The following KCNIP4 variants were observed in gnomAD, a reference collection of about 807,000 sequenced individuals.
KCNIP4 encodes potassium voltage-gated channel interacting protein 4.
KCNIP4 carries 12 observed loss-of-function variants against 34.0 expected under a neutral mutation model. The observed-to-expected ratio is 0.35, with a 90% confidence interval of 0.23 to 0.57. The LOEUF (loss-of-function observed/expected upper bound fraction) is 0.57. KCNIP4 is among the 20% of genes least tolerant of loss of function. The probability of loss-of-function intolerance (pLI) is 0.83; values close to 1 mark genes in which losing one functional copy is unlikely to be tolerated. For synonymous variants in KCNIP4, 124 were observed against 102.2 expected (o/e 1.21, Z -1.29); for missense variants, 238 against 311.7 (o/e 0.76, Z 1.78).
At chr4:20,949,222 T>C (rs894339422) in intron 1 of KCNIP4, among the ~76,000 whole-genome samples, 3 of 152,240 alleles carry the variant, frequency 2.0e-5, no homozygotes, top group Non-Finnish European at 4.4e-5. Flanking sequence ...TACTGACGCA[T>C]AGTCACAATG....
At chr4:21,375,571 CTTTT>C (rs60626237) in intron 1 of KCNIP4, among the ~76,000 whole-genome samples, 1 of 130,082 alleles carries the variant, frequency 7.7e-6, no homozygotes, top group Non-Finnish European at 1.7e-5. Context: ...GAATTTTTTT[CTTTT>C]TTTTTTTTTG....
intron 1 of KCNIP4, among the ~76,000 whole-genome samples, chr4:21,068,437 A>G (rs1744606189): frequency 6.6e-6 from 1 of 152,124 alleles, no homozygotes; most frequent in South Asian, 2.1e-4. Context: ...TATGTGGTCT[A>G]TATAATCTCC....
At chr4:21,293,470 A>G (rs1401077629) in intron 1 of KCNIP4, among the ~76,000 whole-genome samples, 1 of 152,232 alleles carries the variant, frequency 6.6e-6, no homozygotes, top group African/African-American at 2.4e-5. Context: ...ATAGGACTAC[A>G]TTCTACTGCA....
intron 1 of KCNIP4, among the ~76,000 whole-genome samples, chr4:21,400,954 A>G (rs1352280862): frequency 6.6e-6 from 1 of 152,058 alleles, no homozygotes. Flanking sequence ...TGAGGTCAGG[A>G]GTTTGTGACC....
intron 3 of KCNIP4, among the ~76,000 whole-genome samples, chr4:20,788,051 A>G (rs1252085197): frequency 6.6e-6 from 1 of 151,964 alleles, no homozygotes; most frequent in Non-Finnish European, 1.5e-5. Context: ...TTCACCTGGT[A>G]TTGTGATAGT....
intron 1 of KCNIP4, among the ~76,000 whole-genome samples, chr4:21,127,385 AAC>A (rs1750713168): frequency 6.6e-6 from 1 of 152,218 alleles, no homozygotes; most frequent in African/African-American, 2.4e-5. Context: ...TGACAACCCA[AAC>A]ACAGAAACGA....
chr4:20,879,489 A>G (rs1724443351), intron 2 of KCNIP4, among the ~76,000 whole-genome samples: 2 of 152,300 alleles, frequency 1.3e-5, no homozygotes, highest in South Asian at 2.1e-4. Context: ...TGGTTTATTT[A>G]ACACAGTAGT....
intron 1 of KCNIP4, among the ~76,000 whole-genome samples, chr4:21,103,509 A>G (rs1000508938): frequency 6.6e-6 from 1 of 150,980 alleles, no homozygotes; most frequent in African/African-American, 2.4e-5. Flanking sequence ...AACTTAAATC[A>G]GTGGAGACTT....
chr4:21,124,043 C>T (rs80041903), intron 1 of KCNIP4, among the ~76,000 whole-genome samples: 1 of 145,892 alleles, frequency 6.9e-6, no homozygotes. Context: ...AAAAAAACAA[C>T]AAAAAAAAAA....
chr4:20,922,881 T>G (rs1476204492), intron 1 of KCNIP4, among the ~76,000 whole-genome samples: 1 of 152,168 alleles, frequency 6.6e-6, no homozygotes, highest in Admixed American at 6.5e-5. Flanking sequence ...GTTCTTCTGG[T>G]GTACAAAATA....
At chr4:21,274,506 A>T (rs1480920397) in intron 1 of KCNIP4, among the ~76,000 whole-genome samples, 3 of 152,214 alleles carry the variant, frequency 2.0e-5, no homozygotes, top group African/African-American at 4.8e-5. Context: ...TCCCAACTTA[A>T]ATGTAGAAGG....
chr4:21,828,889 G>A (rs1218543043), intron 1 of KCNIP4, among the ~76,000 whole-genome samples: 1 of 151,936 alleles, frequency 6.6e-6, no homozygotes, highest in Non-Finnish European at 1.5e-5. Flanking sequence ...GTTGCCCAAT[G>A]AGAGCTTTGC....
chr4:21,933,187 T>A (rs1318679575), intron 1 of KCNIP4, among the ~76,000 whole-genome samples: 1 of 152,080 alleles, frequency 6.6e-6, no homozygotes, highest in African/African-American at 2.4e-5. Context: ...TTTTGCTGGG[T>A]GCAGGGACCA....
intron 3 of KCNIP4, among the ~76,000 whole-genome samples, chr4:20,825,638 C>T (rs1717666431): frequency 6.6e-6 from 1 of 152,138 alleles, no homozygotes; most frequent in Non-Finnish European, 1.5e-5. Flanking sequence ...CAGGCATGAC[C>T]AGCAGATAAT....
intron 3 of KCNIP4, among the ~76,000 whole-genome samples, chr4:20,821,531 A>C (rs1717103258): frequency 6.6e-6 from 1 of 152,062 alleles, no homozygotes; most frequent in Non-Finnish European, 1.5e-5. Context: ...GTTTTTTGTT[A>C]CATGGATAAG....
At chr4:20,863,106 G>GA (rs1373261223) in intron 2 of KCNIP4, among the ~76,000 whole-genome samples, 1 of 152,130 alleles carries the variant, frequency 6.6e-6, no homozygotes, top group Non-Finnish European at 1.5e-5. Flanking sequence ...TTGCAATGGA[G>GA]AAAAAATAAT....
rs370071298 is a variant in KCNIP4, at chr4:21,501,688, T to TTGTG, written c.61+446879_61+446882dup. 6.7e-3 allele frequency among the ~76,000 whole-genome samples: 847 copies of TTGTG among 127,302 alleles called. 10 individuals carry two copies. The highest frequency in any genetic ancestry group is 0.019 in the African/African-American group (620 of 32,330). 83.5% of individuals were successfully genotyped at this position (127,302 alleles called of 152,430 possible). The stretch of plus-strand genomic sequence containing the variant: ...TTCACATTTTGGGAATGCAGAAGCC[T>TTGTG]TGTGTGTGTGTGTGTGTGTGTGTGT... On this transcript the variant is annotated intron_variant, in intron 1 of 8. Transcript: ENST00000382152.
chr4:21,506,054 G>A (rs1026600076), intron 1 of KCNIP4, among the ~76,000 whole-genome samples: 2 of 152,192 alleles, frequency 1.3e-5, no homozygotes, highest in African/African-American at 4.8e-5. Context: ...AGTGAGCTGA[G>A]ATCGCACCAC....
chr4:20,986,203 A>C (rs567332563), intron 1 of KCNIP4, among the ~76,000 whole-genome samples: 1 of 152,146 alleles, frequency 6.6e-6, no homozygotes, highest in East Asian at 1.9e-4. Context: ...CGTTTTTCCC[A>C]TGAAGACCTG....
Sources: allele counts gnomAD v4.1 joint callset (sites outside exome capture counted in the v4.1 genomes callset), GRCh38; gene constraint gnomAD v4.1.1; transcripts MANE v1.5; gene names NCBI Gene and HGNC (gene_info 2026-07-23, HGNC 2026-07-21).